LRP1B: variants seen among roughly 807,000 people sequenced by gnomAD.
LRP1B encodes the protein low-density lipoprotein receptor-related protein 1B.
LRP1B carries 217 observed loss-of-function variants against 556.6 expected under a neutral mutation model. The ratio of observed to expected loss-of-function variants is 0.39; its 90% confidence interval spans 0.35 to 0.44. LRP1B has a LOEUF of 0.44. Ranked by LOEUF, LRP1B falls within the 20% of genes least tolerant of loss-of-function variation. The pLI is 1.00. For missense variants in LRP1B, 5,053 were observed against 5,620.8 expected, an observed-to-expected ratio of 0.90 and a Z score of 3.23; for synonymous variants, 2,047 against 1,865.8, an observed-to-expected ratio of 1.10 and a Z score of -2.50.
At chr2:141,077,053 T>A (rs1699806199) in intron 7 of LRP1B, among the ~76,000 whole-genome samples, 1 of 152,154 alleles carries the variant, frequency 6.6e-6, no homozygotes, top group South Asian at 2.1e-4. Context: ...GAGACCAGCC[T>A]GGCCAATATG....
chr2:140,359,061 C>CT (rs1194311213), intron 72 of LRP1B, 115 bp from the exon 73 acceptor site: 9 of 1,075,114 alleles, frequency 8.4e-6, no homozygotes, highest in Admixed American at 5.8e-5. Flanking sequence ...TTCTAAATAT[C>CT]TTTTTTGTTG....
In LRP1B at chr2:142,072,044, G is replaced by A. The variant is rs1270691471; in HGVS notation, c.82+58604C>T. 2.6e-5 allele frequency among the ~76,000 whole-genome samples: 4 copies of A among 151,934 alleles called. 1 individual carries two copies. In the South Asian group the frequency reaches 6.2e-4, roughly 24 times the overall value. On this transcript the variant is annotated intron_variant, in intron 1 of 90. Transcript: ENST00000389484. ...TCTCCCTCTCTCATTCCCCATGCCCGAATAAGTACTGACAACACAAACTCC... is the reference window on the plus strand; with the variant it reads ...TCTCCCTCTCTCATTCCCCATGCCCAAATAAGTACTGACAACACAAACTCC...
intron 1 of LRP1B, among the ~76,000 whole-genome samples, chr2:141,851,527 G>A (rs539015645): frequency 6.6e-6 from 1 of 151,738 alleles, no homozygotes; most frequent in Admixed American, 6.6e-5. Flanking sequence ...GTGAAAAATC[G>A]AAACACAGCT....
intron 2 of LRP1B, among the ~76,000 whole-genome samples, chr2:141,625,183 A>G (rs1397824986): frequency 6.6e-6 from 1 of 152,198 alleles, no homozygotes; most frequent in African/African-American, 2.4e-5. Flanking sequence ...TTTTCTTCGC[A>G]CTTTTTAAGT....
chr2:140,492,576 A>C, intron 57 of LRP1B, 32 bp downstream of exon 57: 1 of 1,486,324 alleles, frequency 6.7e-7, no homozygotes, highest in South Asian at 1.1e-5. Flanking sequence ...GCACATGTTA[A>C]ATGTTACGGT....
At chr2:141,056,574 C>T (rs751228279) in intron 9 of LRP1B, among the ~76,000 whole-genome samples, 1 of 151,900 alleles carries the variant, frequency 6.6e-6, no homozygotes, top group Non-Finnish European at 1.5e-5. Flanking sequence ...CTTCATGCTG[C>T]TAAATCCTAT....
rs147493360 is a variant in LRP1B at position 141,178,204 on chromosome 2, G to T, written c.1013+10217C>A. On this transcript the variant is annotated intron_variant, in intron 7 of 90. Transcript: ENST00000389484. Reference sequence around the variant, plus strand: ...ATATTCCCCATTGCCAACTTCAGGTGTAGTGTGGAGCACAACAGACTAGAA... The same window carrying T: ...ATATTCCCCATTGCCAACTTCAGGTTTAGTGTGGAGCACAACAGACTAGAA... Among the ~76,000 whole-genome samples the T allele has an allele frequency of 4.1e-3, 630 of 152,226 alleles. 3 individuals carry two copies. Among genetic ancestry groups the T allele is most frequent in the African/African-American group, 0.014 (585 of 41,574 alleles).
At chr2:142,121,377 T>A (rs142759139) in intron 1 of LRP1B, among the ~76,000 whole-genome samples, 1 of 152,190 alleles carries the variant, frequency 6.6e-6, no homozygotes, top group African/African-American at 2.4e-5. Context: ...CAATTTGATC[T>A]GCATGACCCT....
chr2:140,273,678 A>G (rs1682557431), intron 85 of LRP1B, among the ~76,000 whole-genome samples: 1 of 151,996 alleles, frequency 6.6e-6, no homozygotes, highest in South Asian at 2.1e-4. Context: ...AAGCAAGGCA[A>G]GTGATAGAGT....
intron 1 of LRP1B, among the ~76,000 whole-genome samples, chr2:141,822,130 C>CACACACAGAGAG (rs374369026): frequency 2.0e-4 from 19 of 95,896 alleles, no homozygotes; most frequent in African/African-American, 6.7e-4. Context: ...CACACACACA[C>CACACACAGAGAG]AGAGAGAGAG....
chr2:141,248,777 CAT>C (rs1684159588), intron 4 of LRP1B, among the ~76,000 whole-genome samples: 1 of 152,090 alleles, frequency 6.6e-6, no homozygotes, highest in African/African-American at 2.4e-5. Context: ...TAAAAACACT[CAT>C]ATGAAATAAA....
chr2:142,117,358 T>A (rs1707309048), intron 1 of LRP1B, among the ~76,000 whole-genome samples: 3 of 152,124 alleles, frequency 2.0e-5, no homozygotes, highest in Non-Finnish European at 4.4e-5. Context: ...CATCCTCGTA[T>A]TCTTCTTTCC....
intron 2 of LRP1B, among the ~76,000 whole-genome samples, chr2:141,599,950 C>A (rs1355644938): frequency 1.3e-5 from 2 of 152,102 alleles, no homozygotes; most frequent in African/African-American, 2.4e-5. Flanking sequence ...TCACTCCCTG[C>A]CCGCTCCACA....
rs376821562 is a variant in LRP1B, at chr2:141,020,234, G to C, written c.1790-132C>G. ...AACTCTGATCCATGAAATCTTTATG[G>C]TGTAATTTTTGCAAATGTCACTATT... On this transcript the variant is annotated intron_variant, in intron 11 of 90. Coordinates refer to ENST00000389484, the MANE Select transcript of LRP1B (RefSeq NM_018557.3). 6.3e-5 allele frequency: 33 copies of C among 525,342 alleles called. No homozygotes were observed. The South Asian group carries it at 1.8e-3, about 29-fold the overall frequency. The allele number at this position is 525,342 out of a possible 1,614,324, so 32.5% of individuals were successfully genotyped here. A position where few individuals can be genotyped will look rare whatever the true frequency, so the allele number is the denominator to read the frequency against.
intron 1 of LRP1B, among the ~76,000 whole-genome samples, chr2:141,964,548 A>G (rs1701500107): frequency 6.6e-6 from 1 of 152,064 alleles, no homozygotes; most frequent in African/African-American, 2.4e-5. Flanking sequence ...CCATATGTAC[A>G]AAGCTGAAAC....
At position 140,923,057 on chromosome 2, in the gene LRP1B, T is replaced by C; in HGVS notation, c.3227A>G (p.Glu1076Gly). The change falls in exon 21 of 91, where the codon GAA (glutamate) becomes GGA (glycine). Residue 1076 changes from glutamate (E) to glycine (G), a missense_variant. Glu to Gly is a moderately conservative substitution (Grantham distance 98, BLOSUM62 -2). Around this residue, in one of 5 missense-constraint regions of LRP1B, gnomAD observed 3,619 missense variants for 3,931.9 expected, o/e 0.92. Coordinates refer to ENST00000389484, the MANE Select transcript of LRP1B (RefSeq NM_018557.3). ...ATCACTACCATCTTCACAGTCTTTT[T>C]CTCCATCACAGCGCCACAAATCAGG... ...CVPDLWRCDG[E>G]KDCEDGSDEK... 2 of 1,613,180 alleles carry C rather than the reference T, an allele frequency of 1.2e-6. No individual in the cohort carries two copies. The highest frequency in any genetic ancestry group is 1.7e-6 in the Non-Finnish European group (2 of 1,179,454).
At chr2:141,308,342 T>C (rs1686678607) in intron 3 of LRP1B, among the ~76,000 whole-genome samples, 7 of 152,186 alleles carry the variant, frequency 4.6e-5, no homozygotes, top group African/African-American at 1.4e-4. Context: ...CCTGGATTTA[T>C]TATAATGTAA....
intron 86 of LRP1B, among the ~76,000 whole-genome samples, chr2:140,256,108 T>G (rs1362240738): frequency 6.6e-6 from 1 of 152,190 alleles, no homozygotes; most frequent in African/African-American, 2.4e-5. Flanking sequence ...CAATTAAATG[T>G]AATTTAATTC....
At chr2:140,624,922 C>T (rs1379253875) in intron 41 of LRP1B, among the ~76,000 whole-genome samples, 1 of 152,026 alleles carries the variant, frequency 6.6e-6, no homozygotes, top group African/African-American at 2.4e-5. Context: ...ACATTCTAGG[C>T]AGAAGAAACA....
Sources: allele counts gnomAD v4.1 joint callset (sites outside exome capture counted in the v4.1 genomes callset), GRCh38; gene constraint gnomAD v4.1.1; regional missense constraint gnomAD v4.1.1; transcripts MANE v1.5; gene names NCBI Gene and HGNC (gene_info 2026-07-23, HGNC 2026-07-21).